The following SLCO1B1 variants were observed in gnomAD, a reference collection of about 807,000 sequenced individuals.
SLCO1B1 encodes the protein OATP-2.
SLCO1B1 carries 81 observed loss-of-function variants against 70.1 expected under a neutral mutation model. That is an observed-to-expected ratio of 1.16 (90% confidence interval 0.97 to 1.39). The LOEUF (loss-of-function observed/expected upper bound fraction) is 1.39. SLCO1B1 is among the 40% of genes most tolerant of loss of function. The pLI, the probability that SLCO1B1 is intolerant of heterozygous loss-of-function variation, is 0.00. For synonymous variants in SLCO1B1, 283 were observed against 271.5 expected, an observed-to-expected ratio of 1.04 and a Z score of -0.42; for missense variants, 895 against 799.6, an observed-to-expected ratio of 1.12 and a Z score of -1.44.
chr12:21,213,160 T>G (rs12367262), intron 11 of SLCO1B1, among the ~76,000 whole-genome samples: 1 of 151,650 alleles, frequency 6.6e-6, no homozygotes, highest in Admixed American at 6.6e-5. Context: ...TTCCTAGTCT[T>G]GATGGTCTTT....
intron 2 of SLCO1B1, among the ~76,000 whole-genome samples, chr12:21,162,837 T>C (rs1323262277): frequency 6.6e-6 from 1 of 152,126 alleles, no homozygotes; most frequent in Admixed American, 6.6e-5. Context: ...GTTGGAATAG[T>C]TCCTGAAAAA....
At chr12:21,210,111 GT>G in intron 11 of SLCO1B1, among the ~76,000 whole-genome samples, 1 of 147,356 alleles carries the variant, frequency 6.8e-6, no homozygotes, top group Non-Finnish European at 1.5e-5. Flanking sequence ...TGCTTTTGGT[GT>G]TTTAGACATG....
chr12:21,134,760 T>G (rs891787921), intron 1 of SLCO1B1, among the ~76,000 whole-genome samples: 3 of 152,214 alleles, frequency 2.0e-5, no homozygotes, highest in African/African-American at 7.2e-5. Context: ...GTCTATCAAT[T>G]TTGTTGATGC....
At chr12:21,233,856 A>C (rs969466628) in intron 14 of SLCO1B1, among the ~76,000 whole-genome samples, 2 of 152,190 alleles carry the variant, frequency 1.3e-5, no homozygotes, top group Non-Finnish European at 2.9e-5. Context: ...TGGCCTCTGG[A>C]TCCATCACCA....
chr12:21,218,591 G>A (rs1360174086), intron 12 of SLCO1B1, among the ~76,000 whole-genome samples: 3 of 149,466 alleles, frequency 2.0e-5, no homozygotes, highest in Non-Finnish European at 4.5e-5. Context: ...CACAGATATA[G>A]CTCCATCTTA....
At chr12:21,206,147 G>T (rs1043161967) in intron 11 of SLCO1B1, 114 bp downstream of exon 11, 3 of 899,314 alleles carry the variant, frequency 3.3e-6, no homozygotes, top group African/African-American at 3.4e-5. Flanking sequence ...AAAAGAGAAA[G>T]TTTCCAGTAT....
In SLCO1B1 at chr12:21,141,641, T is replaced by C. The variant is rs1005797496; in HGVS notation, c.67T>C (p.Tyr23His). ...AQPSENKKTR[Y>H]CNGLKMFLAA... Reference sequence around the variant, plus strand: ...ACCTTCAGAGAATAAGAAAACAAGATACTGCAATGGATTGAAGGTAGAATA... The same window carrying C: ...ACCTTCAGAGAATAAGAAAACAAGACACTGCAATGGATTGAAGGTAGAATA... The change falls in exon 2 of 15, where the codon TAC (tyrosine) becomes CAC (histidine). Residue 23 changes from tyrosine to histidine, a missense_variant. Physicochemically the swap from Tyr to His is moderately conservative, Grantham distance 83 (BLOSUM62 2). Coordinates refer to ENST00000256958, the MANE Select transcript of SLCO1B1 (RefSeq NM_006446.5). The C allele has an allele frequency of 1.2e-6, 2 of 1,604,088 alleles. No individual in the cohort carries two copies. The highest frequency in any genetic ancestry group is 3.3e-5 in the Admixed American group (2 of 59,830).
chr12:21,209,002 G>T (rs1413980471), intron 11 of SLCO1B1, among the ~76,000 whole-genome samples: 1 of 151,434 alleles, frequency 6.6e-6, no homozygotes, highest in Non-Finnish European at 1.5e-5. Context: ...AGAGTATGTT[G>T]TCAGTTCTAG....
intron 11 of SLCO1B1, among the ~76,000 whole-genome samples, chr12:21,210,377 C>T (rs1361873857): frequency 3.1e-4 from 38 of 121,326 alleles, no homozygotes; most frequent in African/African-American, 1.0e-3. Context: ...TGTAGATATG[C>T]GGCATTATTT....
intron 3 of SLCO1B1, among the ~76,000 whole-genome samples, chr12:21,173,373 G>A (rs1219069078): frequency 6.6e-6 from 1 of 151,844 alleles, no homozygotes; most frequent in East Asian, 1.9e-4. Flanking sequence ...TTTATAAGAT[G>A]AATATTAAAT....
chr12:21,185,019 G>T (rs914750423), intron 7 of SLCO1B1, among the ~76,000 whole-genome samples: 1 of 152,028 alleles, frequency 6.6e-6, no homozygotes, highest in Admixed American at 6.6e-5. Flanking sequence ...ACAAAGAAGG[G>T]TATTACATAA....
chr12:21,190,459 T>G (rs1484870233), intron 7 of SLCO1B1, among the ~76,000 whole-genome samples: 1 of 152,158 alleles, frequency 6.6e-6, no homozygotes, highest in Admixed American at 6.5e-5. Flanking sequence ...GGACCAGGCA[T>G]CCTCAACTCC....
intron 11 of SLCO1B1, among the ~76,000 whole-genome samples, chr12:21,211,450 G>C (rs2121167096): frequency 6.6e-6 from 1 of 152,350 alleles, no homozygotes; most frequent in South Asian, 2.1e-4. Context: ...ATGTGCTGCT[G>C]GATTCATTTT....
intron 2 of SLCO1B1, among the ~76,000 whole-genome samples, chr12:21,163,982 G>C (rs925671828): frequency 6.6e-6 from 1 of 151,948 alleles, no homozygotes; most frequent in African/African-American, 2.4e-5. Context: ...CATGATCTAA[G>C]GATACTTGGG....
At chr12:21,147,748 T>C (rs1168000067) in intron 2 of SLCO1B1, among the ~76,000 whole-genome samples, 1 of 152,186 alleles carries the variant, frequency 6.6e-6, no homozygotes, top group Non-Finnish European at 1.5e-5. Flanking sequence ...AACATACATG[T>C]GCATGTGTCT....
chr12:21,196,822 TAAAAG>T (rs1416504954), intron 7 of SLCO1B1, 119 bp from the exon 8 acceptor site: 34 of 1,002,134 alleles, frequency 3.4e-5, no homozygotes, highest in Non-Finnish European at 3.0e-6. Context: ...GACAAAAAAT[TAAAAG>T]AAAAAAATCG....
intron 2 of SLCO1B1, among the ~76,000 whole-genome samples, chr12:21,157,859 C>G (rs1940562505): frequency 6.6e-6 from 1 of 152,086 alleles, no homozygotes; most frequent in African/African-American, 2.4e-5. Context: ...CTCGGCCTCC[C>G]ACAGTGCTGG....
At position 21,178,980 on chromosome 12, in the gene SLCO1B1, G is replaced by T. The variant is rs997710369; in HGVS notation, c.687G>T (p.Leu229=). The change falls in exon 7 of 15, where the codon CTG becomes CTT. Residue 229 remains leucine (L), a synonymous_variant. Coordinates refer to ENST00000256958, the MANE Select transcript of SLCO1B1 (RefSeq NM_006446.5). Reference sequence around the variant, plus strand: ...TCATTGGCTTTACCCTGGGATCTCTGTTTTCTAAAATGTACGTGGATATTG... The same window carrying T: ...TCATTGGCTTTACCCTGGGATCTCTTTTTTCTAAAATGTACGTGGATATTG... ...GPIIGFTLGS[L]FSKMYVDIGY... 3.7e-6 allele frequency: 6 copies of T among 1,611,590 alleles called. No individual in the cohort carries two copies. Among genetic ancestry groups the T allele is most frequent in the Non-Finnish European group, 5.1e-6 (6 of 1,178,258 alleles).
At chr12:21,208,554 G>A (rs1046855390) in intron 11 of SLCO1B1, among the ~76,000 whole-genome samples, 1 of 152,008 alleles carries the variant, frequency 6.6e-6, no homozygotes, top group Non-Finnish European at 1.5e-5. Flanking sequence ...TTTGATATCA[G>A]GTAATGGGAT....
Sources: gnomAD v4.1 joint callset for allele counts (sites outside exome capture counted in the v4.1 genomes callset) on GRCh38, gnomAD v4.1.1 for gene constraint, MANE v1.5 for transcripts, NCBI Gene and HGNC (gene_info 2026-07-23, HGNC 2026-07-21) for gene names.